CNIH3: variants seen among roughly 807,000 people sequenced by gnomAD.
CNIH3 encodes protein cornichon homolog 3.
CNIH3 carries 14 observed loss-of-function variants against 24.1 expected under a neutral mutation model. That is an observed-to-expected ratio of 0.58 (90% CI 0.38 to 0.91). CNIH3 has a LOEUF of 0.91. Among genes scored for constraint, CNIH3 ranks in the 40% least tolerant of loss-of-function variants. The pLI is 0.00. For missense variants in CNIH3, 178 were observed against 196.8 expected (o/e 0.90, Z 0.57); for synonymous variants, 68 against 73.8 (o/e 0.92, Z 0.40).
At chr1:224,444,987 T>C (rs1675092609) in intron 1 of CNIH3, among the ~76,000 whole-genome samples, 1 of 151,452 alleles carries the variant, frequency 6.6e-6, no homozygotes, top group Non-Finnish European at 1.5e-5. Flanking sequence ...AAGTATAATA[T>C]GTAGAAAGGA....
intron 1 of CNIH3, among the ~76,000 whole-genome samples, chr1:224,632,783 C>A (rs1683891151): frequency 6.6e-6 from 1 of 151,976 alleles, no homozygotes; most frequent in Non-Finnish European, 1.5e-5. Flanking sequence ...TGAGCCGAGG[C>A]CAGCCAAGCA....
At chr1:224,543,611 C>A (rs1195969474) in intron 2 of CNIH3, among the ~76,000 whole-genome samples, 1 of 152,078 alleles carries the variant, frequency 6.6e-6, no homozygotes, top group East Asian at 1.9e-4. Context: ...TGCATTACAC[C>A]ACCTGCTTAG....
chr1:224,596,521 C>A (rs1220829901), intron 3 of CNIH3, among the ~76,000 whole-genome samples: 1 of 152,146 alleles, frequency 6.6e-6, no homozygotes, highest in Non-Finnish European at 1.5e-5. Flanking sequence ...ATTATGTAGT[C>A]CATGGATTGA....
At chr1:224,735,414 G>C (rs571022281) in intron 5 of CNIH3, among the ~76,000 whole-genome samples, 165 of 152,226 alleles carry the variant, frequency 1.1e-3, no homozygotes, top group African/African-American at 3.9e-3. Context: ...CCTCCTTCCT[G>C]CTCCTCTTTG....
chr1:224,663,847 A>C (rs1208003112), intron 1 of CNIH3, among the ~76,000 whole-genome samples: 1 of 152,210 alleles, frequency 6.6e-6, no homozygotes, highest in African/African-American at 2.4e-5. Context: ...ACCTTCAGCC[A>C]AAAAAGAGCC....
intron 3 of CNIH3, among the ~76,000 whole-genome samples, chr1:224,685,143 C>T (rs572489223): frequency 6.6e-6 from 1 of 152,308 alleles, no homozygotes; most frequent in Non-Finnish European, 1.5e-5. Flanking sequence ...ATGGCATTTC[C>T]AGCTGCTATT....
Position 224,498,895 on chromosome 1 carries a change from G to A in CNIH3, n.204-16846G>A, listed in dbSNP as rs1287712779. 7.2e-5 allele frequency among the ~76,000 whole-genome samples: 11 copies of A among 152,334 alleles called. 1 individual carries two copies. In the South Asian group the frequency reaches 1.2e-3, roughly 17 times the overall value. On this transcript the variant is annotated intron_variant and non_coding_transcript_variant, in intron 1 of 5. Transcript: ENST00000471578. Reference sequence around the variant, plus strand: ...ACTTACATTGCTCTAGGAGAGATTCGCATTTTTTTGTGGATCTGAGGATGG... The same window carrying A: ...ACTTACATTGCTCTAGGAGAGATTCACATTTTTTTGTGGATCTGAGGATGG...
At chr1:224,532,366 G>C (rs991631061) in intron 2 of CNIH3, among the ~76,000 whole-genome samples, 2 of 152,196 alleles carry the variant, frequency 1.3e-5, no homozygotes, top group Non-Finnish European at 2.9e-5. Context: ...GGGGGAGCCT[G>C]TGGAAGGTTT....
chr1:224,697,132 T>A (rs922943458), intron 3 of CNIH3, among the ~76,000 whole-genome samples: 1 of 152,158 alleles, frequency 6.6e-6, no homozygotes, highest in African/African-American at 2.4e-5. Flanking sequence ...GATAAAGGCA[T>A]GTGGAGAAGA....
intron 1 of CNIH3, among the ~76,000 whole-genome samples, chr1:224,501,644 G>A (rs958084720): frequency 1.3e-5 from 2 of 151,148 alleles, no homozygotes; most frequent in African/African-American, 4.9e-5. Context: ...GCAGTGGCGC[G>A]ATCTCGGCTC....
upstream of CNIH3, among the ~76,000 whole-genome samples, chr1:224,614,839 C>T (rs1434042671): frequency 3.3e-5 from 5 of 151,014 alleles, no homozygotes; most frequent in African/African-American, 1.2e-4. Context: ...CCCAGCTACT[C>T]GGGAGGCTAA....
intron 5 of CNIH3, chr1:224,587,036 G>A (rs796757465): frequency 6.6e-6 from 1 of 152,250 alleles, no homozygotes; most frequent in Admixed American, 6.5e-5. Context: ...CCCAGTTAGT[G>A]GTAATTTGTT....
intron 3 of CNIH3, among the ~76,000 whole-genome samples, chr1:224,603,120 T>C (rs375080448): frequency 2.2e-4 from 34 of 152,112 alleles, no homozygotes; most frequent in African/African-American, 8.2e-4. Context: ...TGAATCCACA[T>C]GTTGCAAAAG....
At chr1:224,476,971 A>G (rs1418660878) in intron 1 of CNIH3, among the ~76,000 whole-genome samples, 1 of 152,208 alleles carries the variant, frequency 6.6e-6, no homozygotes. Flanking sequence ...CGGCAGTTAC[A>G]GGCCTCACCC....
At chr1:224,729,772 T>G (rs1689224996) in intron 3 of CNIH3, among the ~76,000 whole-genome samples, 1 of 152,188 alleles carries the variant, frequency 6.6e-6, no homozygotes, top group African/African-American at 2.4e-5. Context: ...GTGGCTGGAT[T>G]GGAGGTGGGA....
intron 4 of CNIH3, among the ~76,000 whole-genome samples, chr1:224,579,067 C>CTTTTTTTTTTTTTTTTTTTT (rs60330387): frequency 7.2e-6 from 1 of 138,936 alleles, no homozygotes; most frequent in Non-Finnish European, 1.6e-5. Flanking sequence ...TTTCTTTTTT[C>CTTTTTTTTTTTTTTTTTTTT]TTTTTTTTTT....
At chr1:224,690,295 G>T (rs745683557) in intron 3 of CNIH3, among the ~76,000 whole-genome samples, 71 of 152,156 alleles carry the variant, frequency 4.7e-4, no homozygotes, top group Non-Finnish European at 7.9e-4. Context: ...CTGCCTCCCA[G>T]GTTCAAGTGA....
intron 4 of CNIH3, chr1:224,575,288 C>A: frequency 2.8e-6 from 3 of 1,083,274 alleles, no homozygotes; most frequent in South Asian, 1.2e-5. Context: ...AACTGAACAG[C>A]CAGGATATGA....
chr1:224,734,264 C>A (rs1325270422), intron 4 of CNIH3, among the ~76,000 whole-genome samples: 1 of 152,166 alleles, frequency 6.6e-6, no homozygotes, highest in East Asian at 1.9e-4. Context: ...TCCTGAGAGG[C>A]GGCTCTTCCT....
Sources: allele counts gnomAD v4.1 joint callset (sites outside exome capture counted in the v4.1 genomes callset), GRCh38; gene constraint gnomAD v4.1.1; transcripts MANE v1.5; gene names NCBI Gene and HGNC (gene_info 2026-07-23, HGNC 2026-07-21).